The following HPSE2 variants were observed in gnomAD, a reference collection of about 807,000 sequenced individuals.
The protein encoded by HPSE2 is heparanase 2 (inactive), also known as inactive heparanase-2.
A neutral mutation model predicts 60.5 loss-of-function variants in HPSE2; 38 were observed. That is an observed-to-expected ratio of 0.63 (90% CI 0.48 to 0.82). The LOEUF is 0.82. HPSE2 is among the 40% of genes least tolerant of loss of function. HPSE2 has a pLI of 0.00. For synonymous variants in HPSE2, 295 were observed against 293.2 expected, an observed-to-expected ratio of 1.01 and a Z score of -0.06; for missense variants, 713 against 740.4, an observed-to-expected ratio of 0.96 and a Z score of 0.43.
intron 3 of HPSE2, among the ~76,000 whole-genome samples, chr10:98,995,445 G>T (rs1956621902): frequency 6.6e-6 from 1 of 152,056 alleles, no homozygotes; most frequent in African/African-American, 2.4e-5. Context: ...CATTCCTGAT[G>T]TATCCCCCTT....
intron 9 of HPSE2, among the ~76,000 whole-genome samples, chr10:98,541,782 G>T (rs1943472715): frequency 1.3e-5 from 2 of 152,202 alleles, no homozygotes; most frequent in Non-Finnish European, 2.9e-5. Flanking sequence ...ACCCGCCATT[G>T]CCCAGCCTTG....
chr10:99,308,387 A>AAAAAAAAAAAAAAAAAAAAAAAAG, the HPSE2 span, among the ~76,000 whole-genome samples: 1 of 146,832 alleles, frequency 6.8e-6, no homozygotes, highest in Non-Finnish European at 1.5e-5. Context: ...CTCAAAAAAA[A>AAAAAAAAAAAAAAAAAAAAAAAAG]AAAAAAAAAG....
At chr10:99,120,106 A>C (rs1043967110) in intron 3 of HPSE2, among the ~76,000 whole-genome samples, 3 of 152,228 alleles carry the variant, frequency 2.0e-5, no homozygotes, top group African/African-American at 7.2e-5. Context: ...GATCTAATTA[A>C]ACTAAAGAGC....
intron 2 of HPSE2, among the ~76,000 whole-genome samples, chr10:99,197,023 T>C (rs1848422284): frequency 6.6e-6 from 1 of 152,194 alleles, no homozygotes; most frequent in Non-Finnish European, 1.5e-5. Context: ...ATATACACAA[T>C]GGAGTACTAT....
chr10:99,169,820 A>G (rs1847240005), intron 2 of HPSE2, among the ~76,000 whole-genome samples: 1 of 152,164 alleles, frequency 6.6e-6, no homozygotes, highest in African/African-American at 2.4e-5. Context: ...CACTTTTTCT[A>G]TAAAGAGCCA....
chr10:98,983,919 C>G (rs970668449), intron 3 of HPSE2, among the ~76,000 whole-genome samples: 2 of 152,304 alleles, frequency 1.3e-5, no homozygotes, highest in Admixed American at 6.5e-5. Context: ...TGAGATCGAA[C>G]TGCAAGGCAG....
At chr10:99,022,263 A>G (rs1957279667) in intron 3 of HPSE2, among the ~76,000 whole-genome samples, 1 of 151,918 alleles carries the variant, frequency 6.6e-6, no homozygotes, top group East Asian at 1.9e-4. Context: ...AACTGGACCA[A>G]ACTCAGCTGA....
chr10:98,873,099 GT>G (rs1045129549), intron 3 of HPSE2, among the ~76,000 whole-genome samples: 3 of 151,992 alleles, frequency 2.0e-5, no homozygotes, highest in African/African-American at 7.2e-5. Flanking sequence ...CTGGAGTTTT[GT>G]TTCCCAAAGC....
At chr10:98,956,103 CTTAAA>C (rs755237379) in intron 3 of HPSE2, among the ~76,000 whole-genome samples, 10 of 152,176 alleles carry the variant, frequency 6.6e-5, no homozygotes, top group East Asian at 3.9e-4. Context: ...TATCCCAGAA[CTTAAA>C]TTAAATTTTA....
At chr10:98,465,957 A>C (rs1025456465) in intron 11 of HPSE2, among the ~76,000 whole-genome samples, 3 of 152,166 alleles carry the variant, frequency 2.0e-5, no homozygotes, top group Admixed American at 1.3e-4. Context: ...ATGGGATTCA[A>C]AGTGTCAGTT....
intron 5 of HPSE2, among the ~76,000 whole-genome samples, chr10:98,713,011 GTTAGT>G (rs1372034945): frequency 6.6e-6 from 1 of 152,072 alleles, no homozygotes; most frequent in Non-Finnish European, 1.5e-5. Context: ...TCTATAGCCT[GTTAGT>G]TTAGATAGAG....
At chr10:99,265,996 G>A in the HPSE2 span, among the ~76,000 whole-genome samples, 1 of 152,200 alleles carries the variant, frequency 6.6e-6, no homozygotes, top group African/African-American at 2.4e-5. Flanking sequence ...AGTCCCCAGA[G>A]AAGCCATTTC....
the HPSE2 span, among the ~76,000 whole-genome samples, chr10:99,244,387 TATTATTATTA>T: frequency 7.6e-5 from 10 of 131,882 alleles, no homozygotes; most frequent in African/African-American, 2.3e-4. Flanking sequence ...TTTCTTTTAT[TATTATTATTA>T]TTATTATTAT....
At chr10:98,639,846 G>A (rs1257473884) in intron 7 of HPSE2, among the ~76,000 whole-genome samples, 1 of 152,122 alleles carries the variant, frequency 6.6e-6, no homozygotes, top group Non-Finnish European at 1.5e-5. Context: ...TGATAGAACT[G>A]AATCATTTTA....
At chr10:99,231,392 A>T (rs1028808500) in intron 2 of HPSE2, among the ~76,000 whole-genome samples, 16 of 152,162 alleles carry the variant, frequency 1.1e-4, no homozygotes, top group African/African-American at 3.9e-4. Context: ...ATGGACACTA[A>T]TGCCTCTTCT....
intron 3 of HPSE2, among the ~76,000 whole-genome samples, chr10:99,057,701 A>G (rs1958145397): frequency 6.6e-6 from 1 of 152,224 alleles, no homozygotes; most frequent in Non-Finnish European, 1.5e-5. Context: ...TCAAGTCAGG[A>G]AGACTGACCT....
At chr10:98,636,800 A>T (rs770752271) in intron 7 of HPSE2, among the ~76,000 whole-genome samples, 2 of 152,176 alleles carry the variant, frequency 1.3e-5, no homozygotes, top group African/African-American at 4.8e-5. Context: ...TGCTTATTGA[A>T]TTACTGAAAA....
intron 9 of HPSE2, among the ~76,000 whole-genome samples, chr10:98,541,456 G>A (rs1030326740): frequency 9.2e-5 from 14 of 152,200 alleles, no homozygotes; most frequent in African/African-American, 3.4e-4. Context: ...GGGAGTGCCA[G>A]ACAGTGGGCA....
intron 9 of HPSE2, among the ~76,000 whole-genome samples, 182 bp from the exon 10 acceptor site, chr10:98,490,378 C>T (rs1001167056): frequency 2.6e-5 from 4 of 152,108 alleles, no homozygotes; most frequent in Non-Finnish European, 4.4e-5. Context: ...CCATGAAACA[C>T]GAACGTGGGT....
Sources: gnomAD v4.1 joint callset for allele counts (sites outside exome capture counted in the v4.1 genomes callset) on GRCh38, gnomAD v4.1.1 for gene constraint, MANE v1.5 for transcripts, NCBI Gene and HGNC (gene_info 2026-07-23, HGNC 2026-07-21) for gene names.